DNAH6: variants seen among roughly 807,000 people sequenced by gnomAD.
The protein encoded by DNAH6 is dynein axonemal heavy chain 6, also known as axonemal beta dynein heavy chain 6.
A neutral mutation model predicts 491.4 loss-of-function variants in DNAH6; 340 were observed. The observed-to-expected ratio is 0.69, with a 90% confidence interval of 0.63 to 0.76. The LOEUF is 0.76. DNAH6 is among the 30% of genes least tolerant of loss of function. The pLI, the probability that DNAH6 is intolerant of heterozygous loss-of-function variation, is 0.00. For missense variants in DNAH6, 4,443 were observed against 4,972.2 expected, an observed-to-expected ratio of 0.89 and a Z score of 3.20; for synonymous variants, 1,603 against 1,686.1, an observed-to-expected ratio of 0.95 and a Z score of 1.21.
intron 21 of DNAH6, among the ~76,000 whole-genome samples, chr2:84,609,740 T>C (rs191760059): frequency 3.3e-5 from 5 of 152,188 alleles, no homozygotes; most frequent in Admixed American, 2.6e-4. Context: ...AGACAATTGG[T>C]AATTGTAATA....
chr2:84,463,693 G>A, the DNAH6 span, among the ~76,000 whole-genome samples: 1 of 152,286 alleles, frequency 6.6e-6, no homozygotes, highest in South Asian at 2.1e-4. Flanking sequence ...CTGGGTGGCT[G>A]GTGTGTAGAG....
rs1430628400 is a variant in DNAH6, at chr2:84,722,648, C to A, written c.9816C>A (p.Thr3272=). 14 of 1,549,286 alleles carry A rather than the reference C, an allele frequency of 9.0e-6. No homozygotes were observed. In the African/African-American group the frequency reaches 1.6e-4, roughly 18 times the overall value. The part of the protein sequence containing the change: ...DSKITSGAIK[T]RLEEAESTEQ... ...AGATCACTTCTGGTGCCATTAAAAC[C>A]AGGCTGGAAGAAGCAGAGTCCACTG... Residue 3272 remains threonine (T), a synonymous_variant, in exon 60 of 77, where the codon ACC becomes ACA. Transcript: ENST00000389394.
intron 8 of DNAH6, among the ~76,000 whole-genome samples, chr2:84,548,675 G>A (rs1189315614): frequency 6.6e-6 from 1 of 152,140 alleles, no homozygotes; most frequent in Non-Finnish European, 1.5e-5. Flanking sequence ...TTCATGAATG[G>A]TGATGAGAAA....
upstream of DNAH6, among the ~76,000 whole-genome samples, chr2:84,515,606 G>T (rs1336987606): frequency 6.6e-6 from 1 of 152,144 alleles, no homozygotes; most frequent in Non-Finnish European, 1.5e-5. Flanking sequence ...AAGAGCAACC[G>T]AAAAGAGCAA....
intron 60 of DNAH6, among the ~76,000 whole-genome samples, chr2:84,724,420 G>A (rs1698436726): frequency 6.6e-6 from 1 of 152,150 alleles, no homozygotes; most frequent in South Asian, 2.1e-4. Context: ...GGAATTCAAA[G>A]CCAAATCCAG....
chr2:84,605,436 G>T lies in DNAH6; in HGVS notation c.3082-64G>T, dbSNP rs186910843. The stretch of plus-strand genomic sequence containing the variant: ...GGAGTTTTTATTTATTTCATTTCAC[G>T]TGCATTTATTGAGTATCTAAACACA... On this transcript the variant is annotated intron_variant, in intron 19 of 76. Transcript: ENST00000389394. 5.5e-5 allele frequency: 58 copies of T among 1,048,084 alleles called. 1 individual carries two copies. The Admixed American group carries it at 7.5e-4, about 14-fold the overall frequency. The allele number at this position is 1,048,084 out of a possible 1,614,324, so 64.9% of individuals were successfully genotyped here.
intron 47 of DNAH6, among the ~76,000 whole-genome samples, chr2:84,698,237 CTTCT>C (rs932011073): frequency 4.5e-4 from 68 of 152,200 alleles, no homozygotes; most frequent in African/African-American, 1.4e-3. Flanking sequence ...GTTTTTGCAC[CTTCT>C]TTAAGTTTCT....
chr2:84,629,662 G>A (rs1160683767), intron 29 of DNAH6, among the ~76,000 whole-genome samples: 1 of 151,980 alleles, frequency 6.6e-6, no homozygotes, highest in East Asian at 1.9e-4. Flanking sequence ...TTATCTCTTA[G>A]TTCTGTCCTC....
At chr2:84,495,138 T>C in the DNAH6 span, among the ~76,000 whole-genome samples, 2 of 152,220 alleles carry the variant, frequency 1.3e-5, no homozygotes, top group East Asian at 3.9e-4. Context: ...CTAAGTGATC[T>C]TAATATGCAA....
Position 84,637,250 on chromosome 2 carries a change from T to A in DNAH6, c.4694T>A (p.Val1565Glu). The A allele has an allele frequency of 3.2e-6, 5 of 1,550,234 alleles. No individual in the cohort carries two copies. Among genetic ancestry groups the A allele is most frequent in the Non-Finnish European group, 4.4e-6 (5 of 1,146,262 alleles). Residue 1565 changes from valine to glutamate, a missense_variant, in exon 31 of 77, where the codon GTG becomes GAG. Physicochemically the swap from Val to Glu is moderately radical, Grantham distance 121 (BLOSUM62 -2). Transcript: ENST00000389394. ...FMFEGREIKL[V>E]MTCAAFITMN... ...TTTGAGGGGCGGGAAATAAAGTTGGTGATGACTTGTGCAGCCTTCATCACA... is the reference window on the plus strand; with the variant it reads ...TTTGAGGGGCGGGAAATAAAGTTGGAGATGACTTGTGCAGCCTTCATCACA...
chr2:84,815,876 G>T lies in DNAH6; in HGVS notation c.12166G>T (p.Asp4056Tyr), dbSNP rs1314892466. 1.3e-6 allele frequency: 2 copies of T among 1,551,174 alleles called. No individual in the cohort carries two copies. The highest frequency in any genetic ancestry group is 1.4e-5 in the African/African-American group (1 of 72,948). ...TATCTTTCAGTTGCCCTCTCCTGAG[G>T]ATGGTGTTCTTGTTCATGGGATGTT... ...PMDMELPSPE[D>Y]GVLVHGMFMD... Residue 4056 changes from aspartate (D) to tyrosine (Y), a missense_variant, in exon 76 of 77, where the codon GAT (aspartate) becomes TAT (tyrosine). Coordinates refer to ENST00000389394, the MANE Select transcript of DNAH6 (RefSeq NM_001370.2).
chr2:84,568,380 T>C (rs1411675406), intron 11 of DNAH6, among the ~76,000 whole-genome samples: 1 of 152,190 alleles, frequency 6.6e-6, no homozygotes, highest in African/African-American at 2.4e-5. Flanking sequence ...CGTGGAATAC[T>C]GTGCAGCCAT....
At chr2:84,707,115 G>A (rs527260251) in intron 53 of DNAH6, 96 bp downstream of exon 53, 2 of 1,333,070 alleles carry the variant, frequency 1.5e-6, no homozygotes, top group African/African-American at 3.0e-5. Flanking sequence ...TTTATCCAAT[G>A]TGTAGAATGT....
chr2:84,711,301 G>A (rs1276123160), intron 56 of DNAH6, among the ~76,000 whole-genome samples: 4 of 152,158 alleles, frequency 2.6e-5, no homozygotes, highest in African/African-American at 7.2e-5. Context: ...AAGGCCCTGG[G>A]CACAAAAGAG....
intron 71 of DNAH6, among the ~76,000 whole-genome samples, chr2:84,806,551 G>A (rs535674026): frequency 4.2e-4 from 62 of 148,388 alleles, no homozygotes; most frequent in African/African-American, 1.3e-3. Context: ...CCCGGGAGGC[G>A]GAGCTCGCAG....
intron 62 of DNAH6, among the ~76,000 whole-genome samples, chr2:84,737,214 G>T (rs931816377): frequency 1.3e-5 from 2 of 152,078 alleles, no homozygotes; most frequent in Admixed American, 6.5e-5. Context: ...TTTATATGCT[G>T]CTGAATTCAG....
intron 16 of DNAH6, among the ~76,000 whole-genome samples, chr2:84,591,227 A>T (rs13402989): frequency 5.9e-5 from 9 of 152,226 alleles, no homozygotes; most frequent in Non-Finnish European, 1.2e-4. Context: ...GGAAAAATTT[A>T]AAAATAATAA....
chr2:84,591,990 G>A (rs528390174), intron 16 of DNAH6, among the ~76,000 whole-genome samples: 3 of 152,264 alleles, frequency 2.0e-5, no homozygotes, highest in Non-Finnish European at 4.4e-5. Context: ...AAAATTCCTA[G>A]AGGAAAAGGT....
intron 68 of DNAH6, 54 bp downstream of exon 68, chr2:84,787,356 T>C: frequency 3.4e-6 from 5 of 1,452,010 alleles, no homozygotes; most frequent in Admixed American, 4.4e-5. Flanking sequence ...AAGTTGTTGG[T>C]TTACTCCCAC....
Sources: gnomAD v4.1 joint callset for allele counts (sites outside exome capture counted in the v4.1 genomes callset) on GRCh38, gnomAD v4.1.1 for gene constraint, MANE v1.5 for transcripts, NCBI Gene and HGNC (gene_info 2026-07-23, HGNC 2026-07-21) for gene names.